Variants in SYNE3 observed in about 807,000 individuals in gnomAD.
SYNE3 encodes the protein nesprin-3.
In SYNE3, 100 loss-of-function variants were observed where a neutral mutation model predicts 111.2. The ratio of observed to expected loss-of-function variants is 0.90; its 90% CI spans 0.77 to 1.06. The LOEUF is 1.06. SYNE3 is among the 50% of genes least tolerant of loss of function. The pLI is 0.00. For synonymous variants in SYNE3, 547 were observed against 533.9 expected, an observed-to-expected ratio of 1.02 and a Z score of -0.34; for missense variants, 1,160 against 1,240.3, an observed-to-expected ratio of 0.94 and a Z score of 0.97.
intron 1 of SYNE3, among the ~76,000 whole-genome samples, chr14:95,498,145 C>T (rs1394528245): frequency 6.6e-6 from 1 of 151,852 alleles, no homozygotes; most frequent in East Asian, 1.9e-4. Flanking sequence ...AAATTAGAGG[C>T]TTTTAAAGTT....
chr14:95,455,363 C>G lies in SYNE3; in HGVS notation c.1137+14G>C, dbSNP rs1177792975. 5 of 1,518,034 alleles carry G rather than the reference C, an allele frequency of 3.3e-6. No individual in the cohort carries two copies. Among genetic ancestry groups the G allele is most frequent in the Non-Finnish European group, 4.4e-6 (5 of 1,133,870 alleles). The allele number at this position is 1,518,034 out of a possible 1,614,324, so 94.0% of individuals were successfully genotyped here. A position where few individuals can be genotyped will look rare whatever the true frequency, so the allele number is the denominator to read the frequency against. ...CAGCACCCTGGGCTCCATGACTCGG[C>G]CAAGCACGCTTACCGAGTAGCGTCT... On this transcript the variant is annotated intron_variant, in intron 6 of 17. Transcript: ENST00000682763.
At chr14:95,459,582 G>A (rs962845561) in intron 4 of SYNE3, among the ~76,000 whole-genome samples, 1 of 152,180 alleles carries the variant, frequency 6.6e-6, no homozygotes, top group Non-Finnish European at 1.5e-5. Context: ...GCAAATCTAA[G>A]TCAGACATTC....
intron 1 of SYNE3, among the ~76,000 whole-genome samples, chr14:95,514,954 A>G (rs1384603344): frequency 6.6e-6 from 1 of 152,180 alleles, no homozygotes; most frequent in East Asian, 1.9e-4. Flanking sequence ...CATGCAAAGC[A>G]CCCGAGCAGG....
At position 95,457,172 on chromosome 14, in the gene SYNE3, A is replaced by G; in HGVS notation, c.789+5T>C. 6.2e-7 allele frequency: 1 copy of G among 1,612,270 alleles called. No homozygotes were observed. Among genetic ancestry groups the G allele is most frequent in the East Asian group, 2.2e-5 (1 of 44,808 alleles). On this transcript the variant is annotated splice_donor_5th_base_variant and intron_variant, in intron 5 of 17. Coordinates refer to ENST00000682763, the MANE Select transcript of SYNE3 (RefSeq NM_152592.6). ...CCCTCTGGTTGAGACACAGCTGGGGATTACCTGCAGTGTGGAGAGGCGCTG... is the reference window on the plus strand; with the variant it reads ...CCCTCTGGTTGAGACACAGCTGGGGGTTACCTGCAGTGTGGAGAGGCGCTG...
At chr14:95,466,793 C>T (rs1041424671) in intron 3 of SYNE3, among the ~76,000 whole-genome samples, 3 of 152,250 alleles carry the variant, frequency 2.0e-5, no homozygotes, top group Non-Finnish European at 4.4e-5. Context: ...CCCAGCCTGT[C>T]TCCCTGGGGG....
intron 17 of SYNE3, among the ~76,000 whole-genome samples, chr14:95,421,172 G>A (rs927957686): frequency 6.6e-6 from 1 of 152,108 alleles, no homozygotes; most frequent in African/African-American, 2.4e-5. Context: ...CCCAGTCTCG[G>A]GTATGTCTTT....
In SYNE3 at chr14:95,500,603, C is replaced by T. The variant is rs1890299962; in HGVS notation, c.-15+15993G>A. ...CCGGGGCTGAGCTCCCCATCAGACCCAGAGAACAATGCCCCACTGTTGTGT... is the reference window on the plus strand; with the variant it reads ...CCGGGGCTGAGCTCCCCATCAGACCTAGAGAACAATGCCCCACTGTTGTGT... On this transcript the variant is annotated intron_variant, in intron 1 of 17. Coordinates refer to ENST00000682763, the MANE Select transcript of SYNE3 (RefSeq NM_152592.6). This position sits in a 1 kb window ranked among gnomAD's most constrained non-coding sequence, Gnocchi z 4.7. 6.6e-6 allele frequency among the ~76,000 whole-genome samples: 1 copy of T among 152,200 alleles called. No homozygotes were observed. Among genetic ancestry groups the T allele is most frequent in the Admixed American group, 6.5e-5 (1 of 15,278 alleles).
At chr14:95,496,421 A>G (rs1890093918) in intron 1 of SYNE3, among the ~76,000 whole-genome samples, 1 of 152,154 alleles carries the variant, frequency 6.6e-6, no homozygotes, top group Non-Finnish European at 1.5e-5. Flanking sequence ...TCTGGAATCC[A>G]CCCATTTATG....
At position 95,425,091 on chromosome 14, in the gene SYNE3, A is replaced by T. The variant is rs188138802; in HGVS notation, c.2727+6988T>A. Among the ~76,000 whole-genome samples the T allele has an allele frequency of 4.7e-4, 72 of 152,102 alleles. No homozygotes were observed. In the Middle Eastern group the frequency reaches 0.017, roughly 36 times the overall value. On this transcript the variant is annotated intron_variant, in intron 17 of 17. Transcript: ENST00000682763. ...CCCAACTCTACTAAAAATACAAAAAAACAAATTAGCCTGGTGTGATGGTGG... is the reference window on the plus strand; with the variant it reads ...CCCAACTCTACTAAAAATACAAAAATACAAATTAGCCTGGTGTGATGGTGG...
intron 1 of SYNE3, among the ~76,000 whole-genome samples, chr14:95,508,152 C>G (rs879386625): frequency 2.0e-5 from 3 of 152,242 alleles, no homozygotes; most frequent in Admixed American, 2.0e-4. Flanking sequence ...ATTTCCAACT[C>G]CACTGCTAAC....
Position 95,470,092 on chromosome 14 carries a change from CA to C in SYNE3, c.145-2126del, listed in dbSNP as rs1888434330. 6.6e-6 allele frequency among the ~76,000 whole-genome samples: 1 copy of C among 151,920 alleles called. No individual in the cohort carries two copies. Among genetic ancestry groups the C allele is most frequent in the Admixed American group, 6.6e-5 (1 of 15,266 alleles). Reference sequence around the variant, plus strand: ...CAAGTAGCAGGATGTGGCAGGGGCCCAGGGGGTGGTGGCCACAGCAAGTACC... The same window carrying C: ...CAAGTAGCAGGATGTGGCAGGGGCCCGGGGGTGGTGGCCACAGCAAGTACC... On this transcript the variant is annotated intron_variant, in intron 2 of 17. Transcript: ENST00000682763. This position sits in a 1 kb window ranked among gnomAD's most constrained non-coding sequence, Gnocchi z 4.2.
intron 4 of SYNE3, among the ~76,000 whole-genome samples, chr14:95,457,915 C>T (rs2139446423): frequency 6.6e-6 from 1 of 152,260 alleles, no homozygotes; most frequent in Admixed American, 6.5e-5. Flanking sequence ...ATTTCTAGCT[C>T]CATTACACAA....
chr14:95,495,253 G>A (rs1890039356), intron 1 of SYNE3, among the ~76,000 whole-genome samples: 1 of 152,228 alleles, frequency 6.6e-6, no homozygotes, highest in Non-Finnish European at 1.5e-5. Flanking sequence ...GAGTGTCTGT[G>A]CCCAGTCTGT....
chr14:95,450,393 G>A, intron 7 of SYNE3: 1 of 408,136 alleles, frequency 2.5e-6, no homozygotes, highest in Admixed American at 4.1e-5. Flanking sequence ...TACATTCATG[G>A]GCAGGATACG....
intron 15 of SYNE3, among the ~76,000 whole-genome samples, chr14:95,435,670 G>T (rs1024577418): frequency 6.6e-6 from 1 of 152,184 alleles, no homozygotes; most frequent in Admixed American, 6.5e-5. Flanking sequence ...AGATTCGGGA[G>T]TTAAAATGAA....
chr14:95,476,781 A>C (rs1888914174), intron 1 of SYNE3, among the ~76,000 whole-genome samples: 1 of 152,252 alleles, frequency 6.6e-6, no homozygotes, highest in African/African-American at 2.4e-5. Context: ...GTACAGAGTA[A>C]GGCCAATGTT....
chr14:95,482,820 A>T (rs78873622), intron 1 of SYNE3, among the ~76,000 whole-genome samples: 10,092 of 152,284 alleles, frequency 0.066, 550 homozygotes, highest in Admixed American at 0.2. Context: ...GCCCAGTGAC[A>T]CATTCACATT....
At chr14:95,457,084 CAAAAA>C (rs55934257) in intron 5 of SYNE3, 88 bp downstream of exon 5, 2,156 of 1,226,860 alleles carry the variant, frequency 1.8e-3, no homozygotes, top group Admixed American at 2.9e-3. Context: ...GACTCCATCT[CAAAAA>C]AAAAAAAAAA....
intron 16 of SYNE3, among the ~76,000 whole-genome samples, chr14:95,432,899 C>G (rs553218149): frequency 3.5e-4 from 54 of 152,226 alleles, no homozygotes; most frequent in African/African-American, 8.7e-4. Flanking sequence ...AGTCTCAGCT[C>G]CCCTCTGCAG....
Sources: allele counts gnomAD v4.1 joint callset (sites outside exome capture counted in the v4.1 genomes callset), GRCh38; gene constraint gnomAD v4.1.1; non-coding constraint Gnocchi (gnomAD v3.1); transcripts MANE v1.5; gene names NCBI Gene and HGNC (gene_info 2026-07-23, HGNC 2026-07-21).